Variants in NSD2 observed in about 807,000 individuals in gnomAD.
NSD2 encodes nuclear receptor binding SET domain protein 2, also known as histone-lysine N-methyltransferase NSD2.
A neutral mutation model predicts 139.0 loss-of-function variants in NSD2; 12 were observed. The observed-to-expected ratio is 0.09, with a 90% CI of 0.06 to 0.14. The LOEUF (loss-of-function observed/expected upper bound fraction) is 0.14, where lower values mean the gene tolerates loss of function less well. NSD2 is among the 10% of genes least tolerant of loss of function. The pLI, the probability that NSD2 is intolerant of heterozygous loss-of-function variation, is 1.00. For synonymous variants in NSD2, 669 were observed against 648.7 expected, an observed-to-expected ratio of 1.03 and a Z score of -0.48; for missense variants, 1,155 against 1,745.0, an observed-to-expected ratio of 0.66 and a Z score of 6.02.
intron 5 of NSD2, among the ~76,000 whole-genome samples, chr4:1,922,590 C>T (rs1040091778): frequency 6.6e-6 from 1 of 152,130 alleles, no homozygotes; most frequent in Non-Finnish European, 1.5e-5. Flanking sequence ...GAGGCTTGGC[C>T]TGAGGATTTG....
chr4:1,977,417 G>A (rs143621443), intron 21 of NSD2, among the ~76,000 whole-genome samples: 38 of 152,306 alleles, frequency 2.5e-4, no homozygotes, highest in African/African-American at 7.9e-4. Flanking sequence ...GCAGTGTGTC[G>A]CCATGAGGCT....
In NSD2 at chr4:1,973,831, G is replaced by A. The variant is rs1364468752; in HGVS notation, c.3373-1032G>A. ...ACACGTGACTGTTACGCTTTATGTG[G>A]CCTTTTGATTTCTCCCCACGCGGTT... On this transcript the variant is annotated intron_variant, in intron 18 of 21. Transcript: ENST00000508803. The surrounding 1 kb of genome is among the most constrained non-coding windows in gnomAD (Gnocchi z 5.5). Among the ~76,000 whole-genome samples the A allele has an allele frequency of 1.3e-5, 2 of 152,236 alleles. No homozygotes were observed. The highest frequency in any genetic ancestry group is 2.4e-5 in the African/African-American group (1 of 41,470).
At position 1,890,306 on chromosome 4, in the gene NSD2, GT is replaced by G. The variant is rs1020098203; in HGVS notation, c.-29-10310del. 1.4e-3 allele frequency among the ~76,000 whole-genome samples: 202 copies of G among 146,932 alleles called. 1 individual carries two copies. The highest frequency in any genetic ancestry group is 2.0e-3 in the Non-Finnish European group (130 of 66,290). On this transcript the variant is annotated intron_variant, in intron 1 of 21. Transcript: ENST00000508803. ...TTTTTTTTGTTTTGTTTTGTTTTTT[GT>G]TTTTTTTTTGAGATGGCGTCTCGCT...
At chr4:1,943,296 A>C in intron 9 of NSD2, 1 of 1,043,616 alleles carries the variant, frequency 9.6e-7, no homozygotes, top group Non-Finnish European at 1.2e-6. Flanking sequence ...TTTTATCTTT[A>C]ATGAACGTTT....
chr4:1,885,831 G>A (rs1197688849), intron 1 of NSD2, among the ~76,000 whole-genome samples: 2 of 152,098 alleles, frequency 1.3e-5, no homozygotes. Flanking sequence ...ACAAGTTCCA[G>A]GCGCAGGAAT....
In NSD2 at chr4:1,976,464, C is replaced by T; in HGVS notation, c.3622-11C>T. 6.2e-7 allele frequency: 1 copy of T among 1,611,802 alleles called. No homozygotes were observed. The highest frequency in any genetic ancestry group is 8.5e-7 in the Non-Finnish European group (1 of 1,179,132). ...TCTTTCCGGTGATCTGTGCTTAATT[C>T]TTGACTCTAGACCTCGACGACCCTT... On this transcript the variant is annotated splice_polypyrimidine_tract_variant and intron_variant, in intron 20 of 21. Coordinates refer to ENST00000508803, the MANE Select transcript of NSD2 (RefSeq NM_001042424.3). The surrounding 1 kb of genome is among the most constrained non-coding windows in gnomAD (Gnocchi z 5.3).
chr4:1,954,920 A>G (rs1724644884), intron 12 of NSD2, among the ~76,000 whole-genome samples: 1 of 152,180 alleles, frequency 6.6e-6, no homozygotes, highest in Non-Finnish European at 1.5e-5. Context: ...TCGGCTGCCC[A>G]CGTGCCCCAG....
chr4:1,953,904 G>A (rs887756300), intron 12 of NSD2, among the ~76,000 whole-genome samples: 3 of 150,858 alleles, frequency 2.0e-5, no homozygotes, highest in South Asian at 2.1e-4. Flanking sequence ...CTGTCCTCTC[G>A]GGCTCAAGCT....
chr4:1,938,121 G>A (rs1039120828), intron 7 of NSD2, among the ~76,000 whole-genome samples: 1 of 152,160 alleles, frequency 6.6e-6, no homozygotes, highest in African/African-American at 2.4e-5. Context: ...CGTATCAGGT[G>A]TCTTAACCAC....
chr4:1,915,197 G>A (rs1346539941), intron 3 of NSD2, among the ~76,000 whole-genome samples: 8 of 140,262 alleles, frequency 5.7e-5, no homozygotes, highest in African/African-American at 2.2e-4. Context: ...CTCACTGCAA[G>A]CTCCGCCTCC....
At position 1,981,207 on chromosome 4, in the gene NSD2, A is replaced by C. The variant is rs1395682872; in HGVS notation, c.*2298A>C. The C allele has an allele frequency of 8.6e-6, 2 of 233,128 alleles. No homozygotes were observed. The highest frequency in any genetic ancestry group is 6.0e-5 in the East Asian group (1 of 16,592). The allele number at this position is 233,128 out of a possible 1,614,324, so 14.4% of individuals were successfully genotyped here. A position where few individuals can be genotyped will look rare whatever the true frequency, so the allele number is the denominator to read the frequency against. ...TTTAAATATGTTTCTCCCCCTTTCC[A>C]AAAACTGTTAAACTAATGAGCAAGT... is the stretch of plus-strand genomic sequence containing the variant. On this transcript the variant is annotated 3_prime_UTR_variant, in exon 22 of 22. Coordinates refer to ENST00000508803, the MANE Select transcript of NSD2 (RefSeq NM_001042424.3).
chr4:1,938,592 G>GT, intron 8 of NSD2, 60 bp downstream of exon 8: 1 of 1,250,904 alleles, frequency 8.0e-7, no homozygotes, highest in Non-Finnish European at 1.2e-6. Context: ...GGCTGGGTGG[G>GT]TGGGCTGAGA....
At chr4:1,881,334 C>T (rs1036104054) in intron 1 of NSD2, among the ~76,000 whole-genome samples, 2 of 152,166 alleles carry the variant, frequency 1.3e-5, no homozygotes, top group Admixed American at 6.5e-5. Flanking sequence ...GCGATCTCGG[C>T]TCACTGCAAC....
At chr4:1,945,547 T>A (rs764599848) in intron 9 of NSD2, 3 of 1,065,280 alleles carry the variant, frequency 2.8e-6, no homozygotes, top group Non-Finnish European at 3.4e-6. Context: ...GATAAGAAAG[T>A]GCTCCTGAGA....
intron 5 of NSD2, among the ~76,000 whole-genome samples, chr4:1,928,313 T>C (rs1341707228): frequency 2.6e-5 from 4 of 152,216 alleles, no homozygotes; most frequent in African/African-American, 9.6e-5. Flanking sequence ...CTCCTCAGAA[T>C]CACCTTATAA....
intron 20 of NSD2, among the ~76,000 whole-genome samples, chr4:1,975,873 A>G (rs957757520): frequency 2.6e-5 from 4 of 152,208 alleles, no homozygotes; most frequent in Non-Finnish European, 4.4e-5. Context: ...CCATCTTAAC[A>G]GATCTCATTG....
At chr4:1,953,987 A>ATTTTTTTTTTT (rs750322460) in intron 12 of NSD2, among the ~76,000 whole-genome samples, 1 of 133,264 alleles carries the variant, frequency 7.5e-6, no homozygotes, top group African/African-American at 2.8e-5. Context: ...ATTTTTGTAA[A>ATTTTTTTTTTT]TTTTTTTTTT....
rs544172611 is a variant in NSD2 at position 1,898,938 on chromosome 4, G to A, written c.-29-1688G>A. Among the ~76,000 whole-genome samples the A allele has an allele frequency of 4.6e-5, 7 of 152,134 alleles. No homozygotes were observed. The South Asian group carries it at 6.2e-4, about 14-fold the overall frequency. On this transcript the variant is annotated intron_variant, in intron 1 of 21. Transcript: ENST00000508803. The stretch of plus-strand genomic sequence containing the variant: ...TCCCTTTCTTTCAACAGTTGGTTCC[G>A]TCCATTTTCTCTCTGCTTTTGGTTG...
rs1727004970 is a variant in NSD2, at chr4:1,975,733, A to T, written c.3621+333A>T. On this transcript the variant is annotated intron_variant, in intron 20 of 21. Transcript: ENST00000508803. ...GTCTCCCGTTCCTGGTGGCGGCCAC[A>T]GTCCTTGCTGCTCCTTGGCTTGTAG... 1.1e-5 allele frequency: 3 copies of T among 279,470 alleles called. No homozygotes were observed. In the South Asian group the frequency reaches 1.7e-4, roughly 16 times the overall value. 17.3% of individuals were successfully genotyped at this position (279,470 alleles called of 1,614,324 possible).
Sources: allele counts gnomAD v4.1 joint callset (sites outside exome capture counted in the v4.1 genomes callset), GRCh38; gene constraint gnomAD v4.1.1; non-coding constraint Gnocchi (gnomAD v3.1); transcripts MANE v1.5; gene names NCBI Gene and HGNC (gene_info 2026-07-23, HGNC 2026-07-21).